Variants in DNAJC10 observed in about 807,000 individuals in gnomAD.
DNAJC10 encodes endoplasmic reticulum disulfide reductase DNAJC10.
Under a neutral mutation model 115.0 loss-of-function variants are expected in DNAJC10, and 101 were observed. That is an observed-to-expected ratio of 0.88 (90% CI 0.75 to 1.04). The LOEUF (loss-of-function observed/expected upper bound fraction) is 1.04, where lower values mean the gene tolerates loss of function less well. DNAJC10 is among the 50% of genes least tolerant of loss of function. The pLI, the probability that DNAJC10 is intolerant of heterozygous loss-of-function variation, is 0.00. For synonymous variants in DNAJC10, 307 were observed against 301.5 expected (o/e 1.02, Z -0.19); for missense variants, 981 against 928.8 (o/e 1.06, Z -0.73).
At position 182,762,663 on chromosome 2, in the gene DNAJC10, CTG is replaced by C. The variant is rs781207230; in HGVS notation, c.2146-17_2146-16del. On this transcript the variant is annotated splice_polypyrimidine_tract_variant and intron_variant, in intron 21 of 23. Transcript: ENST00000264065. ...TTTATGCCAAACAGAAAATGGCAAACTGTATTTTTCTTTTTCAGATGATTAAA... is the reference window on the plus strand; with the variant it reads ...TTTATGCCAAACAGAAAATGGCAAACTATTTTTCTTTTTCAGATGATTAAA... 6.2e-6 allele frequency: 10 copies of C among 1,610,254 alleles called. No individual in the cohort carries two copies. The highest frequency in any genetic ancestry group is 1.7e-6 in the Non-Finnish European group (2 of 1,177,600).
Position 182,785,259 on chromosome 2 carries a change from TAATA to T in DNAJC10, c.*8134_*8137del, listed in dbSNP as rs1423051564. ...TGTAACAGTATAAATGGATCACTTC[TAATA>T]AATAAAACATAAAATTGGACTAATA... On this transcript the variant is annotated 3_prime_UTR_variant, in exon 24 of 24. Coordinates refer to ENST00000264065, the MANE Select transcript of DNAJC10 (RefSeq NM_018981.4). 4 of 152,258 alleles carry T rather than the reference TAATA, an allele frequency of 2.6e-5. No homozygotes were observed. In the East Asian group the frequency reaches 5.8e-4, roughly 22 times the overall value. 9.4% of individuals were successfully genotyped at this position (152,258 alleles called of 1,614,324 possible).
rs2105734158 is a variant in DNAJC10 at position 182,793,959 on chromosome 2, ATTT to A, written c.*16830_*16832del. On this transcript the variant is annotated 3_prime_UTR_variant, in exon 24 of 24. Transcript: ENST00000264065. ...GCCTTCCAAATTCTGAGAGGAAAAT[ATTT>A]TTAACCTAGGATTCTATTCATACCT... 6.6e-6 allele frequency: 1 copy of A among 152,232 alleles called. No homozygotes were observed. Among genetic ancestry groups the A allele is most frequent in the Non-Finnish European group, 1.5e-5 (1 of 68,028 alleles). The allele number at this position is 152,232 out of a possible 1,614,324, so 9.4% of individuals were successfully genotyped here. A position where few individuals can be genotyped will look rare whatever the true frequency, so the allele number is the denominator to read the frequency against.
chr2:182,733,513 A>T (rs1468578073), intron 10 of DNAJC10, among the ~76,000 whole-genome samples: 1 of 148,648 alleles, frequency 6.7e-6, no homozygotes. Context: ...TAGTATCTTT[A>T]TTTTTTTTTT....
At position 182,782,859 on chromosome 2, in the gene DNAJC10, G is replaced by A. The variant is rs1346284862; in HGVS notation, c.*5727G>A. ...TTCTAAATATACAATTATGTCATCT[G>A]CAAACAGAGATAATTTGACTTCCTC... On this transcript the variant is annotated 3_prime_UTR_variant, in exon 24 of 24. Coordinates refer to ENST00000264065, the MANE Select transcript of DNAJC10 (RefSeq NM_018981.4). 1 of 152,184 alleles carries A rather than the reference G, an allele frequency of 6.6e-6. No individual in the cohort carries two copies. The highest frequency in any genetic ancestry group is 2.4e-5 in the African/African-American group (1 of 41,452). The allele number at this position is 152,184 out of a possible 1,614,324, so 9.4% of individuals were successfully genotyped here. A position where few individuals can be genotyped will look rare whatever the true frequency, so the allele number is the denominator to read the frequency against.
chr2:182,783,675 A>G lies in DNAJC10; in HGVS notation c.*6543A>G, dbSNP rs962172329. On this transcript the variant is annotated 3_prime_UTR_variant, in exon 24 of 24. Transcript: ENST00000264065. Reference sequence around the variant, plus strand: ...GTTTTATATTTTAAATATACTTTCTATTTTGTGACAGGAGTGAAAAAATGT... The same window carrying G: ...GTTTTATATTTTAAATATACTTTCTGTTTTGTGACAGGAGTGAAAAAATGT... 9 of 152,042 alleles carry G rather than the reference A, an allele frequency of 5.9e-5. No homozygotes were observed. Among genetic ancestry groups the G allele is most frequent in the African/African-American group, 1.4e-4 (6 of 41,406 alleles). The allele number at this position is 152,042 out of a possible 1,614,324, so 9.4% of individuals were successfully genotyped here. A position where few individuals can be genotyped will look rare whatever the true frequency, so the allele number is the denominator to read the frequency against.
intron 23 of DNAJC10, among the ~76,000 whole-genome samples, chr2:182,776,168 ATTAT>A (rs1212831573): frequency 1.3e-5 from 2 of 152,176 alleles, no homozygotes; most frequent in African/African-American, 4.8e-5. Flanking sequence ...GTGGCCATAA[ATTAT>A]TTAAATTTTG....
chr2:182,763,239 G>GT (rs373952104), intron 22 of DNAJC10, among the ~76,000 whole-genome samples: 10 of 152,056 alleles, frequency 6.6e-5, no homozygotes, highest in African/African-American at 2.4e-4. Flanking sequence ...AAGTTTCAAA[G>GT]TAATGAGCTT....
Position 182,784,470 on chromosome 2 carries a change from T to C in DNAJC10, c.*7338T>C, listed in dbSNP as rs1266127744. ...TATTCCCTGCAGTGTTGGCAGAACC[T>C]AGCACATTGTTGACCCGTAGAAGCA... On this transcript the variant is annotated 3_prime_UTR_variant, in exon 24 of 24. Coordinates refer to ENST00000264065, the MANE Select transcript of DNAJC10 (RefSeq NM_018981.4). 2 of 152,176 alleles carry C rather than the reference T, an allele frequency of 1.3e-5. No homozygotes were observed. The highest frequency in any genetic ancestry group is 2.9e-5 in the Non-Finnish European group (2 of 68,034). The allele number at this position is 152,176 out of a possible 1,614,324, so 9.4% of individuals were successfully genotyped here.
At chr2:182,760,458 T>C (rs867635202) in intron 21 of DNAJC10, among the ~76,000 whole-genome samples, 7 of 152,188 alleles carry the variant, frequency 4.6e-5, no homozygotes, top group African/African-American at 1.7e-4. Context: ...TTTTTCGGTA[T>C]AGCATTGTCC....
At position 182,743,717 on chromosome 2, in the gene DNAJC10, GA is replaced by G; in HGVS notation, c.1306+7del. 1 of 1,555,414 alleles carries G rather than the reference GA, an allele frequency of 6.4e-7. No individual in the cohort carries two copies. On this transcript the variant is annotated splice_donor_region_variant and intron_variant, in intron 14 of 23. Coordinates refer to ENST00000264065, the MANE Select transcript of DNAJC10 (RefSeq NM_018981.4). ...AAGAATATGAAATTCATCATGGTAA[GA>G]ATGGAAAAAAATGATAAAAAAAAAC...
chr2:182,726,298 C>T (rs1357105437), intron 5 of DNAJC10, among the ~76,000 whole-genome samples: 4 of 152,100 alleles, frequency 2.6e-5, no homozygotes, highest in Non-Finnish European at 4.4e-5. Flanking sequence ...ATATAATTAT[C>T]TCATTATAAT....
At chr2:182,719,961 A>G (rs1003731559) in intron 3 of DNAJC10, 46 bp from the exon 4 acceptor site, 2 of 1,166,760 alleles carry the variant, frequency 1.7e-6, no homozygotes, top group Non-Finnish European at 2.5e-6. Flanking sequence ...AGAAACTTGG[A>G]TTGTGTATCT....
intron 3 of DNAJC10, among the ~76,000 whole-genome samples, chr2:182,719,092 C>A (rs56303734): frequency 0.021 from 3,202 of 150,880 alleles, 55 homozygotes; most frequent in Non-Finnish European, 0.035. Context: ...TTTAATTTTT[C>A]TTTAAAATTT....
At chr2:182,762,374 TAGAAAC>T (rs1384165798) in intron 21 of DNAJC10, among the ~76,000 whole-genome samples, 9 of 152,036 alleles carry the variant, frequency 5.9e-5, no homozygotes. Flanking sequence ...GAGAAAAAGA[TAGAAAC>T]AGAAACATGT....
At chr2:182,764,388 G>C (rs13411826) in intron 22 of DNAJC10, among the ~76,000 whole-genome samples, 19,421 of 152,046 alleles carry the variant, frequency 0.13, 2,881 homozygotes, top group African/African-American at 0.36. Flanking sequence ...TAATAGCTGA[G>C]AGTAAAAAGG....
chr2:182,745,529 G>A (rs1693839176), intron 14 of DNAJC10, among the ~76,000 whole-genome samples: 1 of 152,100 alleles, frequency 6.6e-6, no homozygotes, highest in South Asian at 2.1e-4. Context: ...CTTTGTAATA[G>A]AACTTACATT....
chr2:182,739,730 A>G, intron 11 of DNAJC10: 2 of 1,005,994 alleles, frequency 2.0e-6, no homozygotes, highest in South Asian at 4.1e-5. Context: ...ATTTTACTCT[A>G]AAAACTCCTA....
At chr2:182,718,334 G>T (rs1184711195) in intron 3 of DNAJC10, 44 bp downstream of exon 3, 1 of 1,448,666 alleles carries the variant, frequency 6.9e-7, no homozygotes, top group African/African-American at 1.4e-5. Flanking sequence ...TATATTTTTG[G>T]TACATTTTGA....
chr2:182,759,977 C>G (rs1339914533), intron 21 of DNAJC10, among the ~76,000 whole-genome samples: 1 of 152,178 alleles, frequency 6.6e-6, no homozygotes, highest in East Asian at 1.9e-4. Flanking sequence ...ATTATACTGT[C>G]TACCTTTGTC....
Sources: gnomAD v4.1 joint callset for allele counts (sites outside exome capture counted in the v4.1 genomes callset) on GRCh38, gnomAD v4.1.1 for gene constraint, MANE v1.5 for transcripts, NCBI Gene and HGNC (gene_info 2026-07-23, HGNC 2026-07-21) for gene names.